ZNF423: variants seen among roughly 807,000 people sequenced by gnomAD.
The protein encoded by ZNF423 is Ebf-associated zinc finger protein.
A neutral mutation model predicts 95.8 loss-of-function variants in ZNF423; 12 were observed. The observed-to-expected ratio is 0.13, with a 90% confidence interval of 0.08 to 0.20. The LOEUF (loss-of-function observed/expected upper bound fraction) is 0.20. Ranked by LOEUF, ZNF423 falls within the 10% of genes least tolerant of loss-of-function variation. ZNF423 has a pLI of 1.00. For missense variants in ZNF423, 1,316 were observed against 1,737.1 expected (o/e 0.76, Z 4.31); for synonymous variants, 749 against 711.9 (o/e 1.05, Z -0.83).
At chr16:49,842,366 CAGGAAGGAAGGAAGGAAGGA>C (rs779305459) in intron 1 of ZNF423, among the ~76,000 whole-genome samples, 1 of 65,090 alleles carries the variant, frequency 1.5e-5, no homozygotes, top group Non-Finnish European at 2.7e-5. Context: ...GGGAGAGAGA[CAGGAAGGAAGGAAGGAAGGA>C]AGGAAGGAAG....
intron 2 of ZNF423, chr16:49,731,280 C>A (rs888424988): frequency 1.0e-6 from 1 of 982,772 alleles, no homozygotes; most frequent in African/African-American, 1.7e-5. Context: ...CTCCTAAAAA[C>A]CAGATTCAGT....
upstream of ZNF423, among the ~76,000 whole-genome samples, chr16:49,856,464 C>T (rs916675371): frequency 6.7e-6 from 1 of 149,154 alleles, no homozygotes; most frequent in Non-Finnish European, 1.5e-5. Context: ...TTATCCCCTG[C>T]CGCACAAAAA....
At chr16:49,839,760 G>C (rs965731042) in intron 1 of ZNF423, among the ~76,000 whole-genome samples, 4 of 152,116 alleles carry the variant, frequency 2.6e-5, no homozygotes, top group Non-Finnish European at 5.9e-5. Context: ...CGCCCTCCCA[G>C]GGTGAAGAGA....
At chr16:49,562,254 G>T (rs1970041029) in intron 5 of ZNF423, among the ~76,000 whole-genome samples, 1 of 152,236 alleles carries the variant, frequency 6.6e-6, no homozygotes, top group Non-Finnish European at 1.5e-5. Flanking sequence ...GCTTGGAAAG[G>T]ATAATGGTTA....
rs2035344516 is a variant in ZNF423 at position 49,855,023 on chromosome 16, G to A, written c.40+712C>T. On this transcript the variant is annotated intron_variant, in intron 1 of 7. Coordinates refer to ENST00000563137, the MANE Select transcript of ZNF423 (RefSeq NM_001379286.1). This position sits in a 1 kb window ranked among gnomAD's most constrained non-coding sequence, Gnocchi z 4.7. Reference sequence around the variant, plus strand: ...CCGCTGAGCTCCCCTGAGGACCTGCGTCCCGCCGGCGCCGTGCAGACAATG... The same window carrying A: ...CCGCTGAGCTCCCCTGAGGACCTGCATCCCGCCGGCGCCGTGCAGACAATG... 7 of 984,880 alleles carry A rather than the reference G, an allele frequency of 7.1e-6. No individual in the cohort carries two copies. Among genetic ancestry groups the A allele is most frequent in the South Asian group, 4.7e-5 (1 of 21,282 alleles). The allele number at this position is 984,880 out of a possible 1,614,324, so 61.0% of individuals were successfully genotyped here.
intron 5 of ZNF423, among the ~76,000 whole-genome samples, chr16:49,563,701 T>G (rs1370529788): frequency 6.6e-6 from 1 of 152,124 alleles, no homozygotes; most frequent in African/African-American, 2.4e-5. Flanking sequence ...AACCACACCC[T>G]TGGACCAGGC....
At chr16:49,591,333 A>G (rs1971004402) in intron 5 of ZNF423, among the ~76,000 whole-genome samples, 2 of 152,194 alleles carry the variant, frequency 1.3e-5, no homozygotes, top group Non-Finnish European at 2.9e-5. Flanking sequence ...ATAAGTGTGC[A>G]AAATAGTATA....
chr16:49,747,983 T>C (rs1050079169), intron 2 of ZNF423, among the ~76,000 whole-genome samples: 1 of 152,228 alleles, frequency 6.6e-6, no homozygotes, highest in African/African-American at 2.4e-5. Flanking sequence ...TGGCTGTCAC[T>C]TGTAGTCCCA....
At chr16:49,659,108 A>C (rs1477021) in intron 3 of ZNF423, among the ~76,000 whole-genome samples, 26,433 of 152,084 alleles carry the variant, frequency 0.17, 2,570 homozygotes, top group Non-Finnish European at 0.22. Flanking sequence ...TTTAAATTTG[A>C]AATAGAGTCC....
intron 5 of ZNF423, among the ~76,000 whole-genome samples, chr16:49,612,614 A>C (rs1314360259): frequency 6.6e-6 from 1 of 152,144 alleles, no homozygotes; most frequent in Non-Finnish European, 1.5e-5. Flanking sequence ...TTAAGATCAG[A>C]AATAAGGCAA....
At chr16:49,524,727 G>A (rs577687971) in intron 6 of ZNF423, among the ~76,000 whole-genome samples, 18 of 152,346 alleles carry the variant, frequency 1.2e-4, no homozygotes, top group East Asian at 7.7e-4. Context: ...GCTTCCTGCC[G>A]TGGCAGACAG....
intron 7 of ZNF423, among the ~76,000 whole-genome samples, chr16:49,498,309 C>A (rs1259084946): frequency 6.6e-6 from 1 of 152,236 alleles, no homozygotes; most frequent in Non-Finnish European, 1.5e-5. Flanking sequence ...TGGGTCTGCA[C>A]CCATGCAGTC....
At chr16:49,642,809 T>C (rs111917021) in intron 3 of ZNF423, among the ~76,000 whole-genome samples, 96 of 93,508 alleles carry the variant, frequency 1.0e-3, no homozygotes, top group Non-Finnish European at 1.0e-3. Flanking sequence ...TTCTTTTTTT[T>C]TTTTTTTTTT....
intron 2 of ZNF423, among the ~76,000 whole-genome samples, chr16:49,781,506 T>A (rs1350439798): frequency 6.6e-6 from 1 of 152,106 alleles, no homozygotes; most frequent in African/African-American, 2.4e-5. Context: ...CTGGGAGAAA[T>A]GCAAACGCAA....
chr16:49,535,273 A>G (rs1969020314), intron 5 of ZNF423, among the ~76,000 whole-genome samples: 1 of 152,236 alleles, frequency 6.6e-6, no homozygotes, highest in Non-Finnish European at 1.5e-5. Context: ...AGGTGCAAGC[A>G]GCCCTGGGTG....
At chr16:49,751,227 G>A (rs1477094512) in intron 2 of ZNF423, among the ~76,000 whole-genome samples, 2 of 152,086 alleles carry the variant, frequency 1.3e-5, no homozygotes, top group Admixed American at 1.3e-4. Context: ...TTTTATTTTT[G>A]TTGTTGTTGT....
chr16:49,642,789 C>T (rs538835092), intron 3 of ZNF423, among the ~76,000 whole-genome samples: 4 of 142,072 alleles, frequency 2.8e-5, no homozygotes, highest in East Asian at 2.1e-4. Context: ...GCAGAGAAAG[C>T]GGTTCTCTTT....
At chr16:49,771,095 G>A (rs1037113495) in intron 2 of ZNF423, among the ~76,000 whole-genome samples, 6 of 151,402 alleles carry the variant, frequency 4.0e-5, no homozygotes, top group African/African-American at 1.5e-4. Flanking sequence ...TTGTTCAGGA[G>A]TAAGACTAAG....
At chr16:49,601,460 T>G (rs1042218622) in intron 5 of ZNF423, among the ~76,000 whole-genome samples, 4 of 152,224 alleles carry the variant, frequency 2.6e-5, no homozygotes, top group African/African-American at 4.8e-5. Flanking sequence ...GTTAAAACTC[T>G]GAAACTTCCC....
Sources: gnomAD v4.1 joint callset for allele counts (sites outside exome capture counted in the v4.1 genomes callset) on GRCh38, gnomAD v4.1.1 for gene constraint, Gnocchi (gnomAD v3.1) non-coding constraint, MANE v1.5 for transcripts, NCBI Gene and HGNC (gene_info 2026-07-23, HGNC 2026-07-21) for gene names.